The following NPR3 variants were observed in gnomAD, a reference collection of about 807,000 sequenced individuals.
The protein encoded by NPR3 is atrial natriuretic peptide receptor 3.
Under a neutral mutation model 54.5 loss-of-function variants are expected in NPR3, and 34 were observed. The observed-to-expected ratio is 0.62, with a 90% CI of 0.47 to 0.83. The LOEUF (loss-of-function observed/expected upper bound fraction) is 0.83, where lower values mean the gene tolerates loss of function less well. Among genes scored for constraint, NPR3 ranks in the 40% least tolerant of loss-of-function variants. The pLI, the probability that NPR3 is intolerant of heterozygous loss-of-function variation, is 0.00. For synonymous variants in NPR3, 289 were observed against 297.1 expected, an observed-to-expected ratio of 0.97 and a Z score of 0.28; for missense variants, 674 against 720.8, an observed-to-expected ratio of 0.94 and a Z score of 0.74.
chr5:32,763,789 CTGGATGTTG>C (rs1287988023), intron 3 of NPR3, among the ~76,000 whole-genome samples: 1 of 152,124 alleles, frequency 6.6e-6, no homozygotes, highest in Non-Finnish European at 1.5e-5. Context: ...TGATTTTATA[CTGGATGTTG>C]TGGATATTAT....
At chr5:32,780,689 C>G (rs375255959) in intron 4 of NPR3, 33 bp from the exon 5 acceptor site, 35 of 959,644 alleles carry the variant, frequency 3.6e-5, no homozygotes, top group Non-Finnish European at 5.5e-5. Flanking sequence ...TTTTAAGTAA[C>G]CAACGTTGAG....
intron 4 of NPR3, among the ~76,000 whole-genome samples, chr5:32,777,484 A>G (rs1742118298): frequency 6.6e-6 from 1 of 152,222 alleles, no homozygotes; most frequent in African/African-American, 2.4e-5. Flanking sequence ...GCACTGGGGT[A>G]TGCCTATATC....
At chr5:32,722,821 A>T (rs1034956625) in intron 1 of NPR3, among the ~76,000 whole-genome samples, 1 of 152,148 alleles carries the variant, frequency 6.6e-6, no homozygotes, top group Non-Finnish European at 1.5e-5. Context: ...TTCTTTGAAA[A>T]CTTTCTTACT....
intron 1 of NPR3, among the ~76,000 whole-genome samples, chr5:32,712,938 T>A (rs900582971): frequency 6.6e-6 from 1 of 152,128 alleles, no homozygotes; most frequent in Non-Finnish European, 1.5e-5. Context: ...AAGAACTTGT[T>A]CCCCAGTCCT....
intron 1 of NPR3, among the ~76,000 whole-genome samples, chr5:32,702,091 C>T (rs1737823031): frequency 6.6e-6 from 1 of 152,126 alleles, no homozygotes; most frequent in Non-Finnish European, 1.5e-5. Flanking sequence ...AAAAGCCAGC[C>T]AGGCTTGTGT....
intron 3 of NPR3, among the ~76,000 whole-genome samples, chr5:32,743,491 A>G (rs1003241940): frequency 6.6e-6 from 1 of 152,126 alleles, no homozygotes; most frequent in African/African-American, 2.4e-5. Context: ...ATATTGTGAT[A>G]CTCAGTTTTT....
intron 3 of NPR3, among the ~76,000 whole-genome samples, chr5:32,762,844 G>A (rs1028375860): frequency 7.2e-5 from 11 of 152,084 alleles, no homozygotes; most frequent in Admixed American, 3.9e-4. Context: ...GATTAGATCC[G>A]ATTTGTCAAT....
chr5:32,716,250 A>G, intron 1 of NPR3: 1 of 294,644 alleles, frequency 3.4e-6, no homozygotes, highest in South Asian at 3.2e-5. Flanking sequence ...AAGTGAGAAA[A>G]CTACACAAGG....
In NPR3 at chr5:32,743,717, G is replaced by A. The variant is rs143952971; in HGVS notation, c.1059+4687G>A. Among the ~76,000 whole-genome samples, 156 of 152,230 alleles carry A rather than the reference G, an allele frequency of 1.0e-3. 2 individuals are homozygous for A. The highest frequency in any genetic ancestry group is 3.4e-3 in the African/African-American group (140 of 41,524). ...GGCTGGGTTGTCTCAAATGCTATTA[G>A]CAGCCTGTAAATTAGCTTCCCTGAG... On this transcript the variant is annotated intron_variant, in intron 3 of 7. Coordinates refer to ENST00000265074, the MANE Select transcript of NPR3 (RefSeq NM_001204375.2).
intron 1 of NPR3, among the ~76,000 whole-genome samples, chr5:32,721,924 G>A (rs1192866954): frequency 1.3e-5 from 2 of 152,166 alleles, no homozygotes; most frequent in Admixed American, 1.3e-4. Flanking sequence ...ATGTGTGCCA[G>A]CTCAGGTCTC....
At chr5:32,780,678 A>G (rs757180972) in intron 4 of NPR3, 44 bp from the exon 5 acceptor site, 3 of 871,914 alleles carry the variant, frequency 3.4e-6, no homozygotes, top group Non-Finnish European at 6.0e-6. Flanking sequence ...AGACAGAGGT[A>G]TTTTAAGTAA....
chr5:32,768,124 G>A (rs1344962570), intron 3 of NPR3, among the ~76,000 whole-genome samples: 2 of 152,000 alleles, frequency 1.3e-5, no homozygotes, highest in African/African-American at 2.4e-5. Flanking sequence ...CCTCAACTTC[G>A]TGCCTTGACA....
chr5:32,711,698 T>TGGGGAGGAAAGAGGAAGGGTGGG lies in NPR3; in HGVS notation c.-78_-56dup. On this transcript the variant is annotated 5_prime_UTR_variant, in exon 1 of 8. Transcript: ENST00000265074. ...GGCGCAGGGACCTTGGAGAGAAGAG[T>TGGGGAGGAAAGAGGAAGGGTGGG]GGGGAGGAAAGAGGAAGGGTGGGTG... 7.4e-7 allele frequency: 1 copy of TGGGGAGGAAAGAGGAAGGGTGGG among 1,358,700 alleles called. No individual in the cohort carries two copies. Among genetic ancestry groups the TGGGGAGGAAAGAGGAAGGGTGGG allele is most frequent in the South Asian group, 1.9e-5 (1 of 51,922 alleles). The allele number at this position is 1,358,700 out of a possible 1,614,324, so 84.2% of individuals were successfully genotyped here.
intron 1 of NPR3, among the ~76,000 whole-genome samples, chr5:32,698,690 T>C (rs1561066613): frequency 6.6e-6 from 1 of 151,396 alleles, no homozygotes; most frequent in African/African-American, 2.4e-5. Context: ...AATTGTTATA[T>C]CCTCTTGCTG....
Position 32,780,737 on chromosome 5 carries a change from T to C in NPR3, c.1211T>C (p.Val404Ala). The change falls in exon 5 of 8, where the codon GTG (valine) becomes GCG (alanine). Residue 404 changes from valine to alanine, a missense_variant. Val to Ala is a moderately conservative substitution (Grantham distance 64, BLOSUM62 0). Transcript: ENST00000265074. ...NRTFEGIAGQVSIDANGDRYG... is the reference protein window; with the variant it reads ...NRTFEGIAGQASIDANGDRYG... ...GGTCCTGTAGGTATCGCCGGGCAGG[T>C]GTCCATAGATGCCAACGGAGACCGA... The C allele has an allele frequency of 6.4e-7, 1 of 1,559,942 alleles. No individual in the cohort carries two copies. The highest frequency in any genetic ancestry group is 8.8e-7 in the Non-Finnish European group (1 of 1,130,644).
At chr5:32,710,617 C>T, upstream of NPR3, 1 of 1,426,298 alleles carries the variant, frequency 7.0e-7, no homozygotes, top group Non-Finnish European at 9.2e-7. Context: ...CTGAGGAAGG[C>T]GGGGTGTAGG....
upstream of NPR3, among the ~76,000 whole-genome samples, chr5:32,705,725 T>A (rs942286699): frequency 1.3e-5 from 2 of 151,968 alleles, no homozygotes; most frequent in African/African-American, 4.8e-5. Context: ...CAATTCAACA[T>A]GAGATTTGGG....
At position 32,789,762 on chromosome 5, in the gene NPR3, G is replaced by T. The variant is rs763663437; in HGVS notation, c.*3417G>T. 1.9e-6 allele frequency: 1 copy of T among 530,790 alleles called. No individual in the cohort carries two copies. The highest frequency in any genetic ancestry group is 3.9e-6 in the Non-Finnish European group (1 of 258,060). The allele number at this position is 530,790 out of a possible 1,614,324, so 32.9% of individuals were successfully genotyped here. A position where few individuals can be genotyped will look rare whatever the true frequency, so the allele number is the denominator to read the frequency against. ...AGTCAACAATGAGATGAAGGCCATT[G>T]CATAGATCTCATGCAGATAGTGATG... On this transcript the variant is annotated 3_prime_UTR_variant, in exon 8 of 8. Coordinates refer to ENST00000265074, the MANE Select transcript of NPR3 (RefSeq NM_001204375.2).
intron 3 of NPR3, among the ~76,000 whole-genome samples, chr5:32,764,748 ACT>A (rs1208515614): frequency 7.5e-6 from 1 of 132,630 alleles, no homozygotes; most frequent in African/African-American, 2.9e-5. Flanking sequence ...AGATCACGCC[ACT>A]CCATTCCAGC....
Sources: gnomAD v4.1 joint callset for allele counts (sites outside exome capture counted in the v4.1 genomes callset) on GRCh38, gnomAD v4.1.1 for gene constraint, MANE v1.5 for transcripts, NCBI Gene and HGNC (gene_info 2026-07-23, HGNC 2026-07-21) for gene names.